The following PPP2R2D variants were observed in gnomAD, a reference collection of about 807,000 sequenced individuals.
PPP2R2D encodes the protein serine/threonine-protein phosphatase 2A 55 kDa regulatory subunit B delta isoform.
A neutral mutation model predicts 31.1 loss-of-function variants in PPP2R2D; 9 were observed. That is an observed-to-expected ratio of 0.29 (90% confidence interval 0.17 to 0.51). The LOEUF is 0.51. Ranked by LOEUF, PPP2R2D falls within the 20% of genes least tolerant of loss-of-function variation. The pLI, the probability that PPP2R2D is intolerant of heterozygous loss-of-function variation, is 0.98. For missense variants in PPP2R2D, 391 were observed against 465.6 expected (o/e 0.84, Z 1.48); for synonymous variants, 179 against 172.6 (o/e 1.04, Z -0.29).
intron 2 of PPP2R2D, among the ~76,000 whole-genome samples, chr10:131,902,076 C>A (rs1422436400): frequency 6.6e-6 from 1 of 152,086 alleles, no homozygotes; most frequent in Non-Finnish European, 1.5e-5. Context: ...GCCTCCCACC[C>A]CAGCTTCCCA....
intron 8 of PPP2R2D, among the ~76,000 whole-genome samples, chr10:131,950,213 G>A (rs549118599): frequency 4.6e-5 from 7 of 152,274 alleles, no homozygotes; most frequent in South Asian, 2.1e-4. Flanking sequence ...ACTAGGAACC[G>A]TGGAGGCCAG....
the PPP2R2D span, chr10:131,970,540 T>G: frequency 6.8e-7 from 1 of 1,460,724 alleles, no homozygotes; most frequent in Admixed American, 2.0e-5. The surrounding 1 kb of genome is among the most constrained non-coding windows in gnomAD (Gnocchi z 4.1). Flanking sequence ...CTGTAACTGA[T>G]GATCTGGACT....
At chr10:131,905,048 T>C (rs944979859) in intron 2 of PPP2R2D, among the ~76,000 whole-genome samples, 2 of 151,862 alleles carry the variant, frequency 1.3e-5, no homozygotes, top group South Asian at 2.1e-4. Context: ...AGAGTTGTGA[T>C]TCCACTGGGT....
chr10:131,962,092 A>C (rs1396257161), downstream of PPP2R2D, among the ~76,000 whole-genome samples: 1 of 152,202 alleles, frequency 6.6e-6, no homozygotes, highest in African/African-American at 2.4e-5. Flanking sequence ...TTTTGTATAA[A>C]TATCTCCAAT....
At position 131,901,041 on chromosome 10, in the gene PPP2R2D, G is replaced by GCGGCGGCGGCGGCGGCGGCGGCGGCGC. The variant is rs2035481773; in HGVS notation, c.-103_-102insGCGGCGGCGGCGGCGGCGGCGCCGGCG. On this transcript the variant is annotated 5_prime_UTR_variant, in exon 1 of 9. Transcript: ENST00000455566. ...CTCCCCGGCGGCGGCGGCGGCGGCGGCGGCGCCGGCGGTGGTGGCGGCCCC... is the reference window on the plus strand; with the variant it reads ...CTCCCCGGCGGCGGCGGCGGCGGCGGCGGCGGCGGCGGCGGCGGCGGCGGCGCCGGCGCCGGCGGTGGTGGCGGCCCC... 2 of 159,968 alleles carry GCGGCGGCGGCGGCGGCGGCGGCGGCGC rather than the reference G, an allele frequency of 1.3e-5. No homozygotes were observed. Among genetic ancestry groups the GCGGCGGCGGCGGCGGCGGCGGCGGCGC allele is most frequent in the Admixed American group, 1.3e-4 (2 of 15,090 alleles). The allele number at this position is 159,968 out of a possible 1,614,324, so 9.9% of individuals were successfully genotyped here. A position where few individuals can be genotyped will look rare whatever the true frequency, so the allele number is the denominator to read the frequency against.
Position 131,959,023 on chromosome 10 carries a change from C to G in PPP2R2D, c.*3060C>G, listed in dbSNP as rs2036875321. The G allele has an allele frequency of 7.4e-6, 1 of 134,314 alleles. No homozygotes were observed. The highest frequency in any genetic ancestry group is 8.2e-5 in the Admixed American group (1 of 12,200). 8.3% of individuals were successfully genotyped at this position (134,314 alleles called of 1,614,324 possible). ...TGAAGGCGTGTGCTGATCCCCCATC[C>G]CCCTGTGGAGATGAAGGCGTGTGCT... On this transcript the variant is annotated 3_prime_UTR_variant, in exon 9 of 9. Coordinates refer to ENST00000455566, the MANE Select transcript of PPP2R2D (RefSeq NM_018461.5).
At chr10:131,941,461 C>T (rs1362127865) in intron 5 of PPP2R2D, among the ~76,000 whole-genome samples, 21 of 152,196 alleles carry the variant, frequency 1.4e-4, no homozygotes, top group African/African-American at 4.8e-4. Context: ...AGAGGTGTGT[C>T]CCCTGGAAGG....
At chr10:131,963,638 C>T (rs1036666556), downstream of PPP2R2D, among the ~76,000 whole-genome samples, 1 of 152,262 alleles carries the variant, frequency 6.6e-6, no homozygotes, top group Non-Finnish European at 1.5e-5. Context: ...TCTGACGCCA[C>T]AGGGCTGTGC....
intron 2 of PPP2R2D, among the ~76,000 whole-genome samples, chr10:131,930,651 T>C (rs888845166): frequency 6.6e-6 from 1 of 152,238 alleles, no homozygotes; most frequent in African/African-American, 2.4e-5. Context: ...TCTGACTCCC[T>C]TCCTCTCCGC....
rs373838830 is a variant in PPP2R2D, at chr10:131,955,765, G to C, written c.1164G>C (p.Ser388=). ...DTRRDVTLEA[S]RESSKPRASL... ...GGAGGGATGTGACCCTGGAGGCCTC[G>C]AGAGAGAGCAGCAAACCGCGCGCCA... Residue 388 remains serine (S), a synonymous_variant, in exon 9 of 9, where the codon TCG becomes TCC. Coordinates refer to ENST00000455566, the MANE Select transcript of PPP2R2D (RefSeq NM_018461.5). The C allele has an allele frequency of 6.3e-7, 1 of 1,583,344 alleles. No homozygotes were observed. Among genetic ancestry groups the C allele is most frequent in the Admixed American group, 1.7e-5 (1 of 57,880 alleles).
intron 2 of PPP2R2D, among the ~76,000 whole-genome samples, chr10:131,912,774 T>A (rs2035705026): frequency 1.3e-5 from 2 of 152,234 alleles, no homozygotes; most frequent in Non-Finnish European, 2.9e-5. Flanking sequence ...TTTATGTGGC[T>A]CATTTTATCC....
At position 131,940,170 on chromosome 10, in the gene PPP2R2D, C is replaced by A; in HGVS notation, c.338C>A (p.Ala113Asp). 1.3e-6 allele frequency: 1 copy of A among 763,202 alleles called. No individual in the cohort carries two copies. The highest frequency in any genetic ancestry group is 1.4e-5 in the South Asian group (1 of 71,388). The allele number at this position is 763,202 out of a possible 1,614,324, so 47.3% of individuals were successfully genotyped here. Residue 113 changes from alanine to aspartate, a missense_variant, in exon 4 of 9, where the codon GCT becomes GAT. Physicochemically the swap from Ala to Asp is moderately radical, Grantham distance 126. Around this residue, in one of 3 missense-constraint regions of PPP2R2D, gnomAD observed 105 missense variants for 98.5 expected, o/e 1.07. Transcript: ENST00000455566. ...NKIRWLPQQNAAHFLLSTNDK... is the reference protein window; with the variant it reads ...NKIRWLPQQNDAHFLLSTNDK... ...ATTAGGTGGTTACCACAACAGAATG[C>A]TGCTCATTTTCTACTGTCTACAAAT...
chr10:131,955,786 C>T lies in PPP2R2D; in HGVS notation c.1185C>T (p.Arg395=), dbSNP rs369627099. The T allele has an allele frequency of 1.8e-5, 28 of 1,594,056 alleles. No homozygotes were observed. Among genetic ancestry groups the T allele is most frequent in the African/African-American group, 5.4e-5 (4 of 74,166 alleles). ...LEASRESSKP[R]ASLKPRKVCT... is the part of the protein sequence containing the mutation. Reference sequence around the variant, plus strand: ...CCTCGAGAGAGAGCAGCAAACCGCGCGCCAGCCTCAAACCCCGGAAGGTGT... The same window carrying T: ...CCTCGAGAGAGAGCAGCAAACCGCGTGCCAGCCTCAAACCCCGGAAGGTGT... Residue 395 remains arginine (R), a synonymous_variant, in exon 9 of 9, where the codon CGC becomes CGT. Transcript: ENST00000455566.
intron 2 of PPP2R2D, among the ~76,000 whole-genome samples, chr10:131,903,814 A>C (rs1182845431): frequency 1.3e-5 from 2 of 152,232 alleles, no homozygotes; most frequent in Non-Finnish European, 2.9e-5. Flanking sequence ...GATGAAGGGA[A>C]GTGTAGTCGT....
At chr10:131,928,789 GTCTCAGGA>G (rs1589942038) in intron 2 of PPP2R2D, among the ~76,000 whole-genome samples, 2 of 151,488 alleles carry the variant, frequency 1.3e-5, no homozygotes, top group African/African-American at 4.8e-5. Flanking sequence ...GTTAGGAAAA[GTCTCAGGA>G]TATGAGCCAT....
At chr10:131,964,561 G>A (rs1554901946), downstream of PPP2R2D, among the ~76,000 whole-genome samples, 1 of 152,094 alleles carries the variant, frequency 6.6e-6, no homozygotes, top group Non-Finnish European at 1.5e-5. Flanking sequence ...TCCAGCAGTG[G>A]GAAATCAGGC....
intron 8 of PPP2R2D, among the ~76,000 whole-genome samples, chr10:131,953,698 G>C: frequency 1.1e-5 from 1 of 91,892 alleles, no homozygotes; most frequent in Non-Finnish European, 2.0e-5. Context: ...GCAGTGACTT[G>C]CGGGTGTGTG....
intron 2 of PPP2R2D, among the ~76,000 whole-genome samples, chr10:131,919,480 G>A (rs1268696444): frequency 7.8e-6 from 1 of 128,480 alleles, no homozygotes; most frequent in Non-Finnish European, 1.7e-5. Flanking sequence ...TGGGTGGAAT[G>A]ACACAGTGTT....
intron 2 of PPP2R2D, among the ~76,000 whole-genome samples, chr10:131,927,671 G>A (rs1302812061): frequency 6.6e-6 from 1 of 152,174 alleles, no homozygotes; most frequent in Non-Finnish European, 1.5e-5. Context: ...TCCTACCCCA[G>A]CTGGCATCGC....
Sources: gnomAD v4.1 joint callset for allele counts (sites outside exome capture counted in the v4.1 genomes callset) on GRCh38, gnomAD v4.1.1 for gene constraint, gnomAD v4.1.1 regional missense constraint, Gnocchi (gnomAD v3.1) non-coding constraint, MANE v1.5 for transcripts, NCBI Gene and HGNC (gene_info 2026-07-23, HGNC 2026-07-21) for gene names.